Variants in OR9I1 observed in about 807,000 individuals in gnomAD.
OR9I1 encodes the protein olfactory receptor 9I1.
In OR9I1, 7 loss-of-function variants were observed where a neutral mutation model predicts 11.2. That is an observed-to-expected ratio of 0.62 (90% confidence interval 0.36 to 1.17). The LOEUF (loss-of-function observed/expected upper bound fraction) is 1.17. Among genes scored for constraint, OR9I1 ranks in the 50% most tolerant of loss-of-function variants. OR9I1 has a pLI of 0.02. For missense variants in OR9I1, 428 were observed against 377.2 expected (o/e 1.13, Z -1.12); for synonymous variants, 165 against 153.4 (o/e 1.08, Z -0.56).
rs930582697 is a variant in OR9I1 at position 58,117,799 on chromosome 11, G to T, written c.*701C>A. On this transcript the variant is annotated 3_prime_UTR_variant, in exon 3 of 3. Transcript: ENST00000641439. ...AGGAGACATTCCCAAAGGTAGGATG[G>T]TTCATTTCATCTTGAAGATACCAAA... 4 of 152,066 alleles carry T rather than the reference G, an allele frequency of 2.6e-5. No individual in the cohort carries two copies. Among genetic ancestry groups the T allele is most frequent in the African/African-American group, 9.7e-5 (4 of 41,404 alleles). The allele number at this position is 152,066 out of a possible 1,614,324, so 9.4% of individuals were successfully genotyped here. A position where few individuals can be genotyped will look rare whatever the true frequency, so the allele number is the denominator to read the frequency against.
intron 2 of OR9I1, among the ~76,000 whole-genome samples, chr11:58,122,037 T>G (rs1363563828): frequency 6.6e-6 from 1 of 152,148 alleles, no homozygotes; most frequent in East Asian, 1.9e-4. Context: ...TTACTTCTCT[T>G]TCACCTAAGG....
Position 58,118,256 on chromosome 11 carries a change from G to T in OR9I1, c.*244C>A. 1 of 356,196 alleles carries T rather than the reference G, an allele frequency of 2.8e-6. No individual in the cohort carries two copies. Among genetic ancestry groups the T allele is most frequent in the Non-Finnish European group, 5.1e-6 (1 of 197,450 alleles). 22.1% of individuals were successfully genotyped at this position (356,196 alleles called of 1,614,324 possible). ...AGATTCTATAAGTTGTGACATTAGA[G>T]AATATTAAGAGACTGCCCAGTGCTA... is the stretch of plus-strand genomic sequence containing the variant. On this transcript the variant is annotated 3_prime_UTR_variant, in exon 3 of 3. Coordinates refer to ENST00000641439, the MANE Select transcript of OR9I1 (RefSeq NM_001005211.2).
In OR9I1 at chr11:58,118,326, T is replaced by C. The variant is rs1210662211; in HGVS notation, c.*174A>G. 1.6e-5 allele frequency: 9 copies of C among 557,460 alleles called. No homozygotes were observed. Among genetic ancestry groups the C allele is most frequent in the Non-Finnish European group, 2.5e-5 (8 of 316,320 alleles). The allele number at this position is 557,460 out of a possible 1,614,324, so 34.5% of individuals were successfully genotyped here. On this transcript the variant is annotated 3_prime_UTR_variant, in exon 3 of 3. Coordinates refer to ENST00000641439, the MANE Select transcript of OR9I1 (RefSeq NM_001005211.2). ...AAGAAGGGGATAAGAAGAAAGAACA[T>C]GGAATTGCTGGAAACTAATTTCACC...
chr11:58,120,686 A>G (rs911300324), intron 2 of OR9I1, among the ~76,000 whole-genome samples: 1 of 151,546 alleles, frequency 6.6e-6, no homozygotes, highest in Non-Finnish European at 1.5e-5. Context: ...TGCTATTATC[A>G]TCAATTTTAG....
chr11:58,123,767 A>C (rs1322296301), intron 2 of OR9I1, among the ~76,000 whole-genome samples: 2 of 152,174 alleles, frequency 1.3e-5, no homozygotes, highest in Non-Finnish European at 2.9e-5. Flanking sequence ...TGCAGATCCA[A>C]GCCCCAAACC....
Position 58,117,994 on chromosome 11 carries a change from G to C in OR9I1, c.*506C>G, listed in dbSNP as rs1245873041. On this transcript the variant is annotated 3_prime_UTR_variant, in exon 3 of 3. Coordinates refer to ENST00000641439, the MANE Select transcript of OR9I1 (RefSeq NM_001005211.2). ...CAAACTTCCTTCCCTTGGCCAGTTGGAGACTGAGTTTTTCCTTATACAATA... is the reference window on the plus strand; with the variant it reads ...CAAACTTCCTTCCCTTGGCCAGTTGCAGACTGAGTTTTTCCTTATACAATA... The C allele has an allele frequency of 6.6e-6, 1 of 152,464 alleles. No individual in the cohort carries two copies. Among genetic ancestry groups the C allele is most frequent in the East Asian group, 1.9e-4 (1 of 5,204 alleles). The allele number at this position is 152,464 out of a possible 1,614,324, so 9.4% of individuals were successfully genotyped here.
In OR9I1 at chr11:58,118,654, G is replaced by A. The variant is rs1454252556; in HGVS notation, c.791C>T (p.Ser264Leu). The A allele has an allele frequency of 1.9e-6, 3 of 1,614,000 alleles. No individual in the cohort carries two copies. In the South Asian group the frequency reaches 3.3e-5, roughly 18 times the overall value. Residue 264 changes from serine (S) to leucine (L), a missense_variant, in exon 3 of 3, where the codon TCA (serine) becomes TTA (leucine). Transcript: ENST00000641439. ...TTTGTCTTCCTCCAGAGATTTGCCT[G>A]AGCCACTTTGCAGATACATGAAGAT... ...ALIFMYLQSG[S>L]GKSLEEDKVV...
At chr11:58,124,776 C>T (rs1854071915) in intron 1 of OR9I1, 137 bp from the exon 2 acceptor site, 1 of 152,174 alleles carries the variant, frequency 6.6e-6, no homozygotes, top group Non-Finnish European at 1.5e-5. Context: ...GGTTCTCTGA[C>T]CCCAGAGTTG....
At chr11:58,119,561 T>C (rs1854005485) in intron 2 of OR9I1, 95 bp from the exon 3 acceptor site, 2 of 675,368 alleles carry the variant, frequency 3.0e-6, no homozygotes, top group South Asian at 4.7e-5. Flanking sequence ...TGGGTCTATT[T>C]GTAGAGTTTG....
chr11:58,124,583 C>G lies in OR9I1; in HGVS notation c.-168G>C, dbSNP rs1409428329. 2.0e-5 allele frequency: 3 copies of G among 152,158 alleles called. No homozygotes were observed. The highest frequency in any genetic ancestry group is 6.5e-5 in the Admixed American group (1 of 15,276). The allele number at this position is 152,158 out of a possible 1,614,324, so 9.4% of individuals were successfully genotyped here. ...AATATTGTTGTTAACATTTGCTGAG[C>G]TCTTGCTCCAAGTCAGGTAGATGCT... On this transcript the variant is annotated 5_prime_UTR_variant, in exon 2 of 3. Transcript: ENST00000641439.
chr11:58,120,442 A>G (rs909021379), intron 2 of OR9I1, among the ~76,000 whole-genome samples: 1 of 151,890 alleles, frequency 6.6e-6, no homozygotes, highest in Non-Finnish European at 1.5e-5. Context: ...TCTTTTTTTG[A>G]ATTTGAATAT....
At chr11:58,124,044 G>A (rs1012457207) in intron 2 of OR9I1, among the ~76,000 whole-genome samples, 3 of 152,124 alleles carry the variant, frequency 2.0e-5, no homozygotes, top group African/African-American at 7.2e-5. Flanking sequence ...TATCTAATAT[G>A]GTAGAGCTTG....
Position 58,118,419 on chromosome 11 carries a change from T to C in OR9I1, c.*81A>G. 4 of 882,552 alleles carry C rather than the reference T, an allele frequency of 4.5e-6. No individual in the cohort carries two copies. Among genetic ancestry groups the C allele is most frequent in the Non-Finnish European group, 7.0e-6 (4 of 568,838 alleles). 54.7% of individuals were successfully genotyped at this position (882,552 alleles called of 1,614,324 possible). On this transcript the variant is annotated 3_prime_UTR_variant, in exon 3 of 3. Coordinates refer to ENST00000641439, the MANE Select transcript of OR9I1 (RefSeq NM_001005211.2). ...TGTCTTCTCTGTTTGTGGGTATAGG[T>C]TGCATATAGTAATGGTGCCTATTAG...
chr11:58,120,074 C>T (rs778526056), intron 2 of OR9I1, among the ~76,000 whole-genome samples: 32 of 152,130 alleles, frequency 2.1e-4, no homozygotes, highest in South Asian at 4.1e-4. Context: ...ATTGCCTAGT[C>T]GAATAGTATT....
chr11:58,119,071 G>T lies in OR9I1; in HGVS notation c.374C>A (p.Ala125Asp). 6.2e-7 allele frequency: 1 copy of T among 1,613,990 alleles called. No individual in the cohort carries two copies. Among genetic ancestry groups the T allele is most frequent in the Non-Finnish European group, 8.5e-7 (1 of 1,179,982 alleles). The change falls in exon 3 of 3, where the codon GCC becomes GAC. Residue 125 changes from alanine (A) to aspartate (D), a missense_variant. Ala to Asp is a moderately radical substitution (Grantham distance 126). Coordinates refer to ENST00000641439, the MANE Select transcript of OR9I1 (RefSeq NM_001005211.2). Reference protein sequence around the residue: ...LAVMAYDRYAAIRNPLLYTVA... With the variant: ...LAVMAYDRYADIRNPLLYTVA... Reference sequence around the variant, plus strand: ...GGTATAGAGCAGTGGGTTGCGAATGGCAGCATAGCGATCATAGGCCATCAC... The same window carrying T: ...GGTATAGAGCAGTGGGTTGCGAATGTCAGCATAGCGATCATAGGCCATCAC...
rs984999535 is a variant in OR9I1 at position 58,125,391 on chromosome 11, C to T, written c.-342G>A. ...TTACACCTTCTCTAGTTTGTGTGGA[C>T]CTTACTTCAGAGCCAAGGTAATAAT... On this transcript the variant is annotated 5_prime_UTR_variant, in exon 1 of 3. Transcript: ENST00000641439. 1 of 152,068 alleles carries T rather than the reference C, an allele frequency of 6.6e-6. No homozygotes were observed. Among genetic ancestry groups the T allele is most frequent in the Non-Finnish European group, 1.5e-5 (1 of 68,038 alleles). 9.4% of individuals were successfully genotyped at this position (152,068 alleles called of 1,614,324 possible). A position where few individuals can be genotyped will look rare whatever the true frequency, so the allele number is the denominator to read the frequency against.
rs951989587 is a variant in OR9I1, at chr11:58,124,495, T to G, written c.-80A>C. 7 of 152,154 alleles carry G rather than the reference T, an allele frequency of 4.6e-5. No individual in the cohort carries two copies. Among genetic ancestry groups the G allele is most frequent in the Admixed American group, 4.6e-4 (7 of 15,266 alleles). The allele number at this position is 152,154 out of a possible 1,614,324, so 9.4% of individuals were successfully genotyped here. On this transcript the variant is annotated 5_prime_UTR_variant, in exon 2 of 3. Coordinates refer to ENST00000641439, the MANE Select transcript of OR9I1 (RefSeq NM_001005211.2). ...ATTTTCCTCCAAAGATTGAGTCCCT[T>G]GGGGAGGGTGAAGGAGCTCAACAAA...
Position 58,119,201 on chromosome 11 carries a change from G to A in OR9I1, c.244C>T (p.Leu82=), listed in dbSNP as rs765598647. 3.7e-6 allele frequency: 6 copies of A among 1,613,864 alleles called. No homozygotes were observed. The East Asian group carries it at 1.3e-4, about 36-fold the overall frequency. Residue 82 remains leucine, a synonymous_variant, in exon 3 of 3, where the codon CTA becomes TTA. Coordinates refer to ENST00000641439, the MANE Select transcript of OR9I1 (RefSeq NM_001005211.2). The stretch of plus-strand genomic sequence containing the variant: ...GTTTTGCCTGTGGCCAATGTGGCTA[G>A]GATCTGAGGGGTGATGACTGAGGTG... ...CYTSVITPQI[L]ATLATGKTVI...
Position 58,119,408 on chromosome 11 carries a change from T to G in OR9I1, c.37A>C (p.Ile13Leu). 1.9e-6 allele frequency: 3 copies of G among 1,612,898 alleles called. No individual in the cohort carries two copies. The highest frequency in any genetic ancestry group is 2.5e-6 in the Non-Finnish European group (3 of 1,179,200). ...GGGTGGTCCATAAAGCCCATGAGAA[T>G]GAATTCGGTTACTCTGGTGAGATTA... ...KNNLTRVTEF[I>L]LMGFMDHPKL... The change falls in exon 3 of 3, where the codon ATT becomes CTT. Residue 13 changes from isoleucine (I) to leucine (L), a missense_variant. Transcript: ENST00000641439.
Sources: allele counts gnomAD v4.1 joint callset (sites outside exome capture counted in the v4.1 genomes callset), GRCh38; gene constraint gnomAD v4.1.1; transcripts MANE v1.5; gene names NCBI Gene and HGNC (gene_info 2026-07-23, HGNC 2026-07-21).